NETO1: variants seen among roughly 807,000 people sequenced by gnomAD.
NETO1 encodes neuropilin and tolloid-like protein 1.
NETO1 carries 26 observed loss-of-function variants against 61.3 expected under a neutral mutation model. That is an observed-to-expected ratio of 0.42 (90% CI 0.31 to 0.59). NETO1 has a LOEUF of 0.59. Among genes scored for constraint, NETO1 ranks in the 20% least tolerant of loss-of-function variants. The probability of loss-of-function intolerance (pLI) is 0.12; values close to 1 mark genes in which losing one functional copy is unlikely to be tolerated. For synonymous variants in NETO1, 225 were observed against 225.8 expected, an observed-to-expected ratio of 1.00 and a Z score of 0.03; for missense variants, 531 against 662.8, an observed-to-expected ratio of 0.80 and a Z score of 2.18.
chr18:72,852,348 G>A lies in NETO1; in HGVS notation c.469+6478C>T, dbSNP rs146460069. On this transcript the variant is annotated intron_variant, in intron 4 of 10. Transcript: ENST00000327305. ...TCCTGCCTCAGCCTCCCGAGTAGCT[G>A]GGACTACAGGCACATGCCACCACGA... Among the ~76,000 whole-genome samples the A allele has an allele frequency of 3.2e-3, 481 of 152,224 alleles. 3 individuals are homozygous for A. Among genetic ancestry groups the A allele is most frequent in the African/African-American group, 0.011 (462 of 41,532 alleles).
chr18:72,791,426 T>A (rs888859847), intron 6 of NETO1, among the ~76,000 whole-genome samples: 2 of 152,194 alleles, frequency 1.3e-5, no homozygotes, highest in African/African-American at 4.8e-5. Context: ...TAGGCAGTAA[T>A]CTCCAGTCCG....
intron 7 of NETO1, among the ~76,000 whole-genome samples, chr18:72,756,689 T>C (rs2070794921): frequency 6.6e-6 from 1 of 152,112 alleles, no homozygotes; most frequent in Non-Finnish European, 1.5e-5. Context: ...ATAAAAAATA[T>C]ATTATGCTTA....
chr18:72,783,392 A>C (rs935763780), intron 7 of NETO1, among the ~76,000 whole-genome samples: 7 of 152,236 alleles, frequency 4.6e-5, no homozygotes, highest in Non-Finnish European at 1.0e-4. Context: ...AGGCTTCCTA[A>C]GAGCTAAATT....
rs539769104 is a variant in NETO1 at position 72,837,508 on chromosome 18, C to T, written c.469+21318G>A. Among the ~76,000 whole-genome samples the T allele has an allele frequency of 2.0e-4, 30 of 152,182 alleles. 1 individual carries two copies. The highest frequency in any genetic ancestry group is 6.9e-3 in the Middle Eastern group (2 of 290). On this transcript the variant is annotated intron_variant, in intron 4 of 10. Coordinates refer to ENST00000327305, the MANE Select transcript of NETO1 (RefSeq NM_138966.5). The stretch of plus-strand genomic sequence containing the variant: ...CGAACTGCACAGAAGTTAACAGCAA[C>T]GGTTTAGAGTCAGACAACACAAGAT...
chr18:72,753,280 T>G (rs2070683226), intron 8 of NETO1, among the ~76,000 whole-genome samples: 6 of 149,820 alleles, frequency 4.0e-5, no homozygotes, highest in Admixed American at 4.0e-4. Context: ...AAAAAACTCA[T>G]CATAGAAAGG....
intron 7 of NETO1, among the ~76,000 whole-genome samples, chr18:72,775,622 A>T (rs2071520790): frequency 6.6e-6 from 1 of 152,190 alleles, no homozygotes; most frequent in African/African-American, 2.4e-5. Context: ...ACTCAAAACA[A>T]TGCTGACATA....
At chr18:72,756,952 G>A (rs1417611314) in intron 7 of NETO1, among the ~76,000 whole-genome samples, 2 of 152,104 alleles carry the variant, frequency 1.3e-5, no homozygotes, top group African/African-American at 4.8e-5. Context: ...CATTATTGGA[G>A]TGACAGAATA....
In NETO1 at chr18:72,750,619, C is replaced by A. The variant is rs748942719; in HGVS notation, c.984G>T (p.Glu328Asp). ...VYPWDENHCK[E>D]KRKTSLLDQL... ...GGTCCAGCAGGCTGGTTTTCCTCTT[C>A]TCTATAGGTTGGAGAGAGTGAAAAC... Residue 328 changes from glutamate (E) to aspartate (D), a missense_variant and splice_region_variant, in exon 9 of 11, where the codon GAG becomes GAT. Physicochemically the swap from Glu to Asp is conservative, Grantham distance 45. Transcript: ENST00000327305. 3 of 1,600,994 alleles carry A rather than the reference C, an allele frequency of 1.9e-6. No homozygotes were observed. The highest frequency in any genetic ancestry group is 1.3e-5 in the African/African-American group (1 of 74,890).
At chr18:72,775,250 A>G (rs1217069240) in intron 7 of NETO1, among the ~76,000 whole-genome samples, 1 of 152,142 alleles carries the variant, frequency 6.6e-6, no homozygotes, top group African/African-American at 2.4e-5. Context: ...GCATTAGATA[A>G]ATTTTGTTAG....
intron 4 of NETO1, among the ~76,000 whole-genome samples, chr18:72,823,771 C>T (rs1196823604): frequency 2.6e-5 from 4 of 152,100 alleles, no homozygotes; most frequent in Non-Finnish European, 5.9e-5. Flanking sequence ...TGCTTGTGTC[C>T]ATCGAGCTTC....
At chr18:72,817,414 C>A (rs1048917818) in intron 4 of NETO1, among the ~76,000 whole-genome samples, 1 of 152,204 alleles carries the variant, frequency 6.6e-6, no homozygotes, top group African/African-American at 2.4e-5. Context: ...AGTGCTCAGG[C>A]TGTTGCCAAA....
At chr18:72,851,654 A>G (rs958048915) in intron 4 of NETO1, among the ~76,000 whole-genome samples, 1 of 152,158 alleles carries the variant, frequency 6.6e-6, no homozygotes. Context: ...AGAAGGAGAG[A>G]CGAAAAACCA....
At chr18:72,816,552 G>T (rs1326523883) in intron 4 of NETO1, among the ~76,000 whole-genome samples, 1 of 152,160 alleles carries the variant, frequency 6.6e-6, no homozygotes, top group Non-Finnish European at 1.5e-5. Context: ...AAATCAGACA[G>T]CAGAGCCAAG....
At chr18:72,760,699 C>T (rs4892040) in intron 7 of NETO1, among the ~76,000 whole-genome samples, 114,969 of 152,002 alleles carry the variant, frequency 0.76, 44,019 homozygotes, top group African/African-American at 0.88. Flanking sequence ...ACCCAAGCGA[C>T]TTAATAATGC....
chr18:72,808,454 TG>T (rs2072754615), intron 4 of NETO1, among the ~76,000 whole-genome samples: 2 of 124,252 alleles, frequency 1.6e-5, no homozygotes, highest in African/African-American at 6.0e-5. Context: ...TGTGTGTGTG[TG>T]GAGTGTGTGT....
chr18:72,785,199 T>C (rs2071873097), intron 6 of NETO1, among the ~76,000 whole-genome samples: 1 of 150,634 alleles, frequency 6.6e-6, no homozygotes, highest in African/African-American at 2.4e-5. Context: ...TCATTCTGTA[T>C]GTATTTTTTT....
At chr18:72,822,977 G>A (rs1350085489) in intron 4 of NETO1, among the ~76,000 whole-genome samples, 2 of 152,150 alleles carry the variant, frequency 1.3e-5, no homozygotes, top group African/African-American at 2.4e-5. Flanking sequence ...ATGAGTGGGA[G>A]TACAAGGAGT....
intron 4 of NETO1, among the ~76,000 whole-genome samples, chr18:72,815,011 T>C (rs1305414244): frequency 1.3e-5 from 2 of 152,114 alleles, no homozygotes; most frequent in Non-Finnish European, 2.9e-5. Context: ...TTGGTGTTGC[T>C]AAAGCAGAAC....
intron 4 of NETO1, 40 bp from the exon 5 acceptor site, chr18:72,794,444 T>A (rs776214827): frequency 1.0e-5 from 16 of 1,567,038 alleles, no homozygotes; most frequent in Non-Finnish European, 1.4e-5. Context: ...CCATTCTACA[T>A]TTATTACTTA....
Sources: allele counts gnomAD v4.1 joint callset (sites outside exome capture counted in the v4.1 genomes callset), GRCh38; gene constraint gnomAD v4.1.1; transcripts MANE v1.5; gene names NCBI Gene and HGNC (gene_info 2026-07-23, HGNC 2026-07-21).